Variants in ZNF678 observed in about 807,000 individuals in gnomAD.
ZNF678 encodes hypothetical protein MGC42493.
In ZNF678, 5 loss-of-function variants were observed where a neutral mutation model predicts 3.0. The ratio of observed to expected loss-of-function variants is 1.69; its 90% CI spans 0.88 to 3.56. The LOEUF is 3.56. Ranked by LOEUF, ZNF678 falls within the 30% of genes most tolerant of loss-of-function variation. The pLI is 0.00. For synonymous variants in ZNF678, 218 were observed against 199.6 expected, an observed-to-expected ratio of 1.09 and a Z score of -0.78; for missense variants, 593 against 605.0, an observed-to-expected ratio of 0.98 and a Z score of 0.21.
intron 1 of ZNF678, among the ~76,000 whole-genome samples, chr1:227,642,775 G>T (rs1379973850): frequency 1.3e-5 from 2 of 151,800 alleles, no homozygotes; most frequent in Non-Finnish European, 2.9e-5. Flanking sequence ...CAGTGGAAGA[G>T]AAATAAGGCA....
At chr1:227,664,330 G>A (rs773619011), downstream of ZNF678, among the ~76,000 whole-genome samples, 2 of 152,154 alleles carry the variant, frequency 1.3e-5, no homozygotes, top group Non-Finnish European at 2.9e-5. Context: ...GTCATGCCCT[G>A]TGGTATGAAC....
At chr1:227,622,240 ATTTC>A (rs1658298913) in intron 1 of ZNF678, among the ~76,000 whole-genome samples, 1 of 152,168 alleles carries the variant, frequency 6.6e-6, no homozygotes, top group Non-Finnish European at 1.5e-5. Context: ...TTATTCACAC[ATTTC>A]TTTCTTCTGA....
At chr1:227,627,195 G>A (rs1558147810) in intron 1 of ZNF678, among the ~76,000 whole-genome samples, 1 of 151,630 alleles carries the variant, frequency 6.6e-6, no homozygotes, top group Non-Finnish European at 1.5e-5. Context: ...GCCATCTGAT[G>A]GGTGCTATCA....
chr1:227,608,617 A>G (rs1657938569), intron 1 of ZNF678, among the ~76,000 whole-genome samples: 1 of 152,186 alleles, frequency 6.6e-6, no homozygotes, highest in Non-Finnish European at 1.5e-5. Context: ...ATGAGGCTCT[A>G]TTGTCAGCCA....
At chr1:227,649,066 A>G (rs893875076) in intron 2 of ZNF678, among the ~76,000 whole-genome samples, 1 of 152,088 alleles carries the variant, frequency 6.6e-6, no homozygotes, top group Admixed American at 6.6e-5. Context: ...ACCGAATAAT[A>G]TTTTATTGTG....
At chr1:227,617,299 T>C (rs1658165101) in intron 1 of ZNF678, among the ~76,000 whole-genome samples, 1 of 152,188 alleles carries the variant, frequency 6.6e-6, no homozygotes, top group Non-Finnish European at 1.5e-5. Context: ...GAGAGTAGCA[T>C]GTGTGTGATT....
intron 1 of ZNF678, among the ~76,000 whole-genome samples, chr1:227,639,864 TG>T (rs1393045791): frequency 6.6e-6 from 1 of 152,178 alleles, no homozygotes. Context: ...TTCGTAAGAC[TG>T]GGTAAGGTCC....
intron 1 of ZNF678, among the ~76,000 whole-genome samples, chr1:227,564,535 G>T (rs1475527408): frequency 6.6e-6 from 1 of 152,138 alleles, no homozygotes; most frequent in Non-Finnish European, 1.5e-5. Context: ...TGTTCTCCCA[G>T]CCTGACTCTG....
intron 1 of ZNF678, among the ~76,000 whole-genome samples, chr1:227,630,307 G>GCAGCAC (rs1472547423): frequency 1.3e-5 from 2 of 152,132 alleles, no homozygotes; most frequent in Non-Finnish European, 2.9e-5. Flanking sequence ...GCAAATGTCT[G>GCAGCAC]CAGCACCAAT....
chr1:227,675,820 T>A (rs1395547331), intron 5 of ZNF678, among the ~76,000 whole-genome samples: 1 of 152,154 alleles, frequency 6.6e-6, no homozygotes, highest in Non-Finnish European at 1.5e-5. Context: ...CTCTCAGGAT[T>A]CAAAAAACAA....
intron 1 of ZNF678, among the ~76,000 whole-genome samples, chr1:227,620,005 G>A (rs1445945606): frequency 6.6e-6 from 1 of 152,162 alleles, no homozygotes; most frequent in East Asian, 1.9e-4. Context: ...TCACAGGTCA[G>A]AACCTTTACC....
downstream of ZNF678, among the ~76,000 whole-genome samples, chr1:227,664,083 CT>C (rs1260221056): frequency 6.6e-6 from 1 of 152,124 alleles, no homozygotes; most frequent in Non-Finnish European, 1.5e-5. Context: ...CACGGGGACA[CT>C]TCCATTAAAA....
chr1:227,654,656 C>A lies in ZNF678; in HGVS notation c.406C>A (p.Arg136=), dbSNP rs17854208. ...KCEECGKVFN[R]CSNLTKHKRI... is the part of the protein sequence containing the mutation. The stretch of plus-strand genomic sequence containing the variant: ...TGAAGAATGTGGCAAAGTTTTCAAT[C>A]GATGTTCAAACCTAACAAAACATAA... Residue 136 remains arginine, a synonymous_variant, in exon 4 of 4, where the codon CGA becomes AGA. Transcript: ENST00000343776. The A allele has an allele frequency of 3.7e-6, 6 of 1,612,390 alleles. No individual in the cohort carries two copies. The African/African-American group carries it at 6.7e-5, about 18-fold the overall frequency.
intron 1 of ZNF678, among the ~76,000 whole-genome samples, chr1:227,596,179 A>G (rs1180311911): frequency 3.9e-5 from 6 of 152,174 alleles, no homozygotes; most frequent in Non-Finnish European, 8.8e-5. Flanking sequence ...AGTCCCCCGC[A>G]GGGATGTTCC....
intron 1 of ZNF678, among the ~76,000 whole-genome samples, chr1:227,584,863 A>G (rs368640811): frequency 1.0e-3 from 156 of 152,314 alleles, no homozygotes; most frequent in African/African-American, 3.6e-3. Context: ...AAACCTTATG[A>G]AACATTGAGG....
chr1:227,650,321 G>A (rs903864498), intron 2 of ZNF678, among the ~76,000 whole-genome samples: 8 of 152,072 alleles, frequency 5.3e-5, no homozygotes. Flanking sequence ...GAACTTATAT[G>A]CATGGGTTTA....
At position 227,661,760 on chromosome 1, in the gene ZNF678, GA is replaced by G. The variant is rs1659412109; in HGVS notation, c.*5935del. 1 of 152,182 alleles carries G rather than the reference GA, an allele frequency of 6.6e-6. No homozygotes were observed. The highest frequency in any genetic ancestry group is 1.5e-5 in the Non-Finnish European group (1 of 68,062). The allele number at this position is 152,182 out of a possible 1,614,324, so 9.4% of individuals were successfully genotyped here. A position where few individuals can be genotyped will look rare whatever the true frequency, so the allele number is the denominator to read the frequency against. On this transcript the variant is annotated 3_prime_UTR_variant, in exon 4 of 4. Coordinates refer to ENST00000343776, the MANE Select transcript of ZNF678 (RefSeq NM_001367909.1). ...ATTGAGCTTCTGAACAGCTACTCCA[GA>G]AACTATGGTGCTGTGGTGAAGTCCT...
chr1:227,590,954 C>T (rs896649483), intron 1 of ZNF678, among the ~76,000 whole-genome samples: 4 of 151,600 alleles, frequency 2.6e-5, no homozygotes, highest in African/African-American at 4.9e-5. Flanking sequence ...TCTTTTGGGC[C>T]GGGAATTCAT....
At chr1:227,572,565 T>TCCTA in intron 1 of ZNF678, among the ~76,000 whole-genome samples, 1 of 152,258 alleles carries the variant, frequency 6.6e-6, no homozygotes, top group East Asian at 1.9e-4. Flanking sequence ...GGGCACCCAA[T>TCCTA]CCTAGCTCAC....
Sources: allele counts gnomAD v4.1 joint callset (sites outside exome capture counted in the v4.1 genomes callset), GRCh38; gene constraint gnomAD v4.1.1; transcripts MANE v1.5; gene names NCBI Gene and HGNC (gene_info 2026-07-23, HGNC 2026-07-21).